Variants in PGCKA1 observed in about 807,000 individuals in gnomAD.
PGCKA1 encodes the protein PDCD10 and GCKIII kinases-associated protein 1.
chr4:37,554,224 C>G, the PGCKA1 span, among the ~76,000 whole-genome samples: 1 of 152,276 alleles, frequency 6.6e-6, no homozygotes, highest in Non-Finnish European at 1.5e-5. Context: ...GTGAGGCCTC[C>G]CCAGCCACGT....
At chr4:37,504,133 G>GA in the PGCKA1 span, among the ~76,000 whole-genome samples, 25 of 152,314 alleles carry the variant, frequency 1.6e-4, no homozygotes, top group African/African-American at 5.3e-4. Flanking sequence ...TATGGCAAGA[G>GA]ATAGGGGTCT....
chr4:37,561,307 A>AGGC, the PGCKA1 span, among the ~76,000 whole-genome samples: 2 of 152,192 alleles, frequency 1.3e-5, no homozygotes, highest in Non-Finnish European at 2.9e-5. Flanking sequence ...GGCAACTCGC[A>AGGC]AGCCCCACCC....
the PGCKA1 span, among the ~76,000 whole-genome samples, chr4:37,578,299 T>G: frequency 2.0e-5 from 3 of 152,258 alleles, no homozygotes; most frequent in Non-Finnish European, 4.4e-5. Flanking sequence ...CATTATGTAA[T>G]GACCTTCTTT....
chr4:37,568,687 G>A, the PGCKA1 span, among the ~76,000 whole-genome samples: 3 of 152,228 alleles, frequency 2.0e-5, no homozygotes, highest in Admixed American at 1.3e-4. Flanking sequence ...ACCACTGGGC[G>A]TGGTGCCCCA....
the PGCKA1 span, among the ~76,000 whole-genome samples, chr4:37,553,960 C>A: frequency 6.6e-6 from 1 of 152,162 alleles, no homozygotes; most frequent in Non-Finnish European, 1.5e-5. Context: ...TCAGAGCTAT[C>A]CACCTTGATA....
the PGCKA1 span, among the ~76,000 whole-genome samples, chr4:37,472,541 T>C: frequency 6.6e-6 from 1 of 152,358 alleles, no homozygotes; most frequent in Non-Finnish European, 1.5e-5. Flanking sequence ...TCTTGAGTAA[T>C]TGCTGCCTTT....
the PGCKA1 span, among the ~76,000 whole-genome samples, chr4:37,481,153 A>G: frequency 6.6e-6 from 1 of 152,218 alleles, no homozygotes; most frequent in Non-Finnish European, 1.5e-5. Flanking sequence ...GAGTTAGCCT[A>G]AGATGGGCTT....
At chr4:37,588,584 T>A in the PGCKA1 span, 2 of 397,702 alleles carry the variant, frequency 5.0e-6, no homozygotes, top group East Asian at 8.2e-5. Flanking sequence ...AAAATGGGGA[T>A]GAAACACATA....
At chr4:37,470,480 C>G in the PGCKA1 span, among the ~76,000 whole-genome samples, 6 of 152,296 alleles carry the variant, frequency 3.9e-5, no homozygotes, top group East Asian at 1.2e-3. Context: ...AATCTTCATG[C>G]ATGTGTTTGC....
chr4:37,572,070 T>TC, the PGCKA1 span, among the ~76,000 whole-genome samples: 61 of 115,070 alleles, frequency 5.3e-4, no homozygotes, highest in African/African-American at 1.8e-3. Flanking sequence ...TTTCTTTTTT[T>TC]TTTTTTTTTT....
At chr4:37,501,662 A>G in the PGCKA1 span, among the ~76,000 whole-genome samples, 1 of 152,184 alleles carries the variant, frequency 6.6e-6, no homozygotes, top group Non-Finnish European at 1.5e-5. Context: ...GGTGGTAACA[A>G]ATTCCCTCAG....
the PGCKA1 span, among the ~76,000 whole-genome samples, chr4:37,453,428 C>G: frequency 7.8e-4 from 119 of 152,188 alleles, no homozygotes; most frequent in Non-Finnish European, 1.5e-3. Flanking sequence ...GGTGGCGCCC[C>G]CGCTGTTTCT....
the PGCKA1 span, among the ~76,000 whole-genome samples, chr4:37,485,668 A>G: frequency 6.6e-6 from 1 of 152,262 alleles, no homozygotes; most frequent in Non-Finnish European, 1.5e-5. Context: ...AAGCCTCAGA[A>G]TCTGCATACT....
the PGCKA1 span, among the ~76,000 whole-genome samples, chr4:37,475,031 A>T: frequency 2.0e-5 from 3 of 152,162 alleles, no homozygotes; most frequent in Non-Finnish European, 4.4e-5. Context: ...GAATACTGTC[A>T]GTTATGGAAG....
the PGCKA1 span, among the ~76,000 whole-genome samples, chr4:37,524,641 A>C: frequency 6.6e-6 from 1 of 152,260 alleles, no homozygotes; most frequent in Non-Finnish European, 1.5e-5. Flanking sequence ...CTGATACTAG[A>C]GGACAGGAAT....
the PGCKA1 span, among the ~76,000 whole-genome samples, chr4:37,547,525 A>G: frequency 7.5e-3 from 1,138 of 152,316 alleles, 15 homozygotes; most frequent in African/African-American, 0.025. Context: ...ATGACACCAG[A>G]AAAACTTAGA....
At chr4:37,460,104 G>GCTCC in the PGCKA1 span, among the ~76,000 whole-genome samples, 16 of 152,168 alleles carry the variant, frequency 1.1e-4, no homozygotes, top group East Asian at 2.9e-3. Flanking sequence ...TTCTGCTCCT[G>GCTCC]TGTTAGTTTG....
the PGCKA1 span, among the ~76,000 whole-genome samples, chr4:37,503,157 G>C: frequency 3.3e-5 from 5 of 152,102 alleles, no homozygotes; most frequent in African/African-American, 1.2e-4. Context: ...GATGGCCAAG[G>C]GGTCTCCTCC....
chr4:37,499,332 T>C, the PGCKA1 span, among the ~76,000 whole-genome samples: 1 of 152,232 alleles, frequency 6.6e-6, no homozygotes, highest in Non-Finnish European at 1.5e-5. Context: ...GATGCTGGCC[T>C]CATAGAATGA....
Sources: allele counts gnomAD v4.1 joint callset (sites outside exome capture counted in the v4.1 genomes callset), GRCh38; gene constraint gnomAD v4.1.1; transcripts MANE v1.5; gene names NCBI Gene and HGNC (gene_info 2026-07-23, HGNC 2026-07-21).